Variants in MARK1 observed in about 807,000 individuals in gnomAD.
The protein encoded by MARK1 is serine/threonine-protein kinase MARK1.
A neutral mutation model predicts 96.3 loss-of-function variants in MARK1; 40 were observed. The ratio of observed to expected loss-of-function variants is 0.42; its 90% CI spans 0.32 to 0.54. MARK1 has a LOEUF of 0.54. Ranked by LOEUF, MARK1 falls within the 20% of genes least tolerant of loss-of-function variation. The pLI is 0.16. For missense variants in MARK1, 719 were observed against 984.6 expected (o/e 0.73, Z 3.61); for synonymous variants, 317 against 341.2 (o/e 0.93, Z 0.78).
intron 1 of MARK1, among the ~76,000 whole-genome samples, chr1:220,535,228 G>GT (rs1558240982): frequency 6.6e-6 from 1 of 151,870 alleles, no homozygotes; most frequent in South Asian, 2.1e-4. Flanking sequence ...TTTATTTTCT[G>GT]TTTTTATTTT....
intron 17 of MARK1, among the ~76,000 whole-genome samples, chr1:220,660,608 T>C (rs1025019545): frequency 1.8e-4 from 27 of 152,332 alleles, no homozygotes; most frequent in Admixed American, 8.5e-4. Context: ...TCTATTTGGA[T>C]AATTGTTCAA....
chr1:220,528,919 C>G (rs781441588), intron 1 of MARK1, 46 bp downstream of exon 1: 1 of 1,507,718 alleles, frequency 6.6e-7, no homozygotes. Flanking sequence ...GCGAGACCCT[C>G]CTCTGATCCC....
intron 6 of MARK1, among the ~76,000 whole-genome samples, chr1:220,610,283 CT>C (rs1666364666): frequency 6.6e-6 from 1 of 152,270 alleles, no homozygotes; most frequent in African/African-American, 2.4e-5. Context: ...TATCTTCTCG[CT>C]TTATTTCACT....
At chr1:220,610,522 T>C (rs933820013) in intron 6 of MARK1, among the ~76,000 whole-genome samples, 2 of 152,074 alleles carry the variant, frequency 1.3e-5, no homozygotes, top group African/African-American at 4.8e-5. Context: ...GAGAAGTTTG[T>C]TATTACAGAC....
chr1:220,649,441 C>A (rs894008252), intron 13 of MARK1, among the ~76,000 whole-genome samples: 2 of 152,078 alleles, frequency 1.3e-5, no homozygotes, highest in African/African-American at 4.8e-5. Flanking sequence ...GTTGCCTAGG[C>A]TGGTCTTGAA....
intron 1 of MARK1, among the ~76,000 whole-genome samples, chr1:220,531,896 G>A (rs1358260239): frequency 6.6e-6 from 1 of 152,066 alleles, no homozygotes; most frequent in Non-Finnish European, 1.5e-5. Flanking sequence ...CAGAAAAAGA[G>A]TAAAAAAGAT....
At chr1:220,559,545 T>A (rs1336940703) in intron 1 of MARK1, among the ~76,000 whole-genome samples, 3 of 152,222 alleles carry the variant, frequency 2.0e-5, no homozygotes, top group African/African-American at 4.8e-5. Flanking sequence ...TACCATGAGA[T>A]ACAGGAGCAT....
Position 220,528,855 on chromosome 1 carries a change from C to T in MARK1, c.33C>T (p.Asn11=), listed in dbSNP as rs370474738. The T allele has an allele frequency of 2.8e-5, 44 of 1,571,534 alleles. No homozygotes were observed. In the African/African-American group the frequency reaches 6.0e-4, roughly 21 times the overall value. MSARTPLPTV[N]ERDTENHTSV... is the part of the protein sequence containing the mutation. ...CCCGGACGCCATTGCCGACGGTGAACGAGCGGGACACGGAAAATGTGAGTA... is the reference window on the plus strand; with the variant it reads ...CCCGGACGCCATTGCCGACGGTGAATGAGCGGGACACGGAAAATGTGAGTA... The change falls in exon 1 of 18, where the codon AAC becomes AAT. Residue 11 remains asparagine (N), a synonymous_variant. Transcript: ENST00000366917.
At chr1:220,656,958 C>G (rs1669210760) in intron 16 of MARK1, among the ~76,000 whole-genome samples, 1 of 151,950 alleles carries the variant, frequency 6.6e-6, no homozygotes, top group African/African-American at 2.4e-5. Flanking sequence ...ATTCTTATTG[C>G]ATTCGTTTTA....
chr1:220,596,678 TTTTA>T (rs1665381519), intron 3 of MARK1, among the ~76,000 whole-genome samples: 1 of 152,176 alleles, frequency 6.6e-6, no homozygotes, highest in Non-Finnish European at 1.5e-5. Context: ...TTTTTGCACA[TTTTA>T]TTTCTTTCCT....
At chr1:220,636,085 G>T in intron 13 of MARK1, 59 bp downstream of exon 13, 1 of 1,222,906 alleles carries the variant, frequency 8.2e-7, no homozygotes, top group Non-Finnish European at 1.1e-6. Flanking sequence ...AGGGTTATGT[G>T]TAAAATTTTT....
chr1:220,623,433 A>G (rs893585358), intron 9 of MARK1, among the ~76,000 whole-genome samples: 1 of 152,164 alleles, frequency 6.6e-6, no homozygotes, highest in Non-Finnish European at 1.5e-5. Flanking sequence ...AAACCCCCAC[A>G]TCTTCCCTTT....
chr1:220,609,653 TG>T (rs1666313202), intron 6 of MARK1, among the ~76,000 whole-genome samples: 1 of 152,218 alleles, frequency 6.6e-6, no homozygotes, highest in Non-Finnish European at 1.5e-5. Flanking sequence ...ATAGCATCGA[TG>T]GTCTTTACAA....
intron 1 of MARK1, among the ~76,000 whole-genome samples, chr1:220,529,817 CTTGTTT>C (rs1358393710): frequency 6.6e-6 from 1 of 152,082 alleles, no homozygotes; most frequent in African/African-American, 2.4e-5. Flanking sequence ...GGAAGGTTTT[CTTGTTT>C]TTGTTTTTGT....
Position 220,631,306 on chromosome 1 carries a change from A to G in MARK1, c.1009+172A>G, listed in dbSNP as rs539428954. On this transcript the variant is annotated intron_variant, in intron 10 of 17. Coordinates refer to ENST00000366917, the MANE Select transcript of MARK1 (RefSeq NM_018650.5). ...AAAATTATACATTTCAAGTTCCCTA[A>G]TTTGTTCCCATATATATTATGGTCT... 3.9e-5 allele frequency among the ~76,000 whole-genome samples: 6 copies of G among 152,244 alleles called. No individual in the cohort carries two copies. In the East Asian group the frequency reaches 1.2e-3, roughly 29 times the overall value.
intron 1 of MARK1, among the ~76,000 whole-genome samples, chr1:220,562,079 C>G (rs79350019): frequency 6.6e-6 from 1 of 152,178 alleles, no homozygotes; most frequent in East Asian, 1.9e-4. Flanking sequence ...CCTGTGTAAA[C>G]TTTTATCTGG....
intron 7 of MARK1, 108 bp downstream of exon 7, chr1:220,616,103 A>G (rs1666734407): frequency 6.1e-6 from 3 of 494,754 alleles, no homozygotes; most frequent in South Asian, 7.4e-5. Flanking sequence ...GCTGCTGGAC[A>G]CTATACAAGT....
intron 1 of MARK1, among the ~76,000 whole-genome samples, chr1:220,553,745 G>A (rs933946699): frequency 1.3e-4 from 20 of 152,220 alleles, no homozygotes; most frequent in Middle Eastern, 3.4e-3. Flanking sequence ...CCTCAAAAGA[G>A]AATAGTTGTC....
chr1:220,554,679 A>G (rs1388156385), intron 1 of MARK1, among the ~76,000 whole-genome samples: 1 of 152,224 alleles, frequency 6.6e-6, no homozygotes, highest in African/African-American at 2.4e-5. Context: ...GTCACACACC[A>G]GGTACTGGAG....
Sources: gnomAD v4.1 joint callset for allele counts (sites outside exome capture counted in the v4.1 genomes callset) on GRCh38, gnomAD v4.1.1 for gene constraint, MANE v1.5 for transcripts, NCBI Gene and HGNC (gene_info 2026-07-23, HGNC 2026-07-21) for gene names.